KDM4C: variants seen among roughly 807,000 people sequenced by gnomAD.
The protein encoded by KDM4C is lysine-specific demethylase 4C.
Under a neutral mutation model 129.3 loss-of-function variants are expected in KDM4C, and 81 were observed. The ratio of observed to expected loss-of-function variants is 0.63; its 90% CI spans 0.52 to 0.75. The LOEUF is 0.75. KDM4C is among the 30% of genes least tolerant of loss of function. The pLI, the probability that KDM4C is intolerant of heterozygous loss-of-function variation, is 0.00. For synonymous variants in KDM4C, 573 were observed against 456.1 expected, an observed-to-expected ratio of 1.26 and a Z score of -3.26; for missense variants, 1,457 against 1,304.0, an observed-to-expected ratio of 1.12 and a Z score of -1.81.
In KDM4C at chr9:7,099,004, G is replaced by A. The variant is rs545302673; in HGVS notation, c.2425-4681G>A. On this transcript the variant is annotated intron_variant, in intron 17 of 21. Coordinates refer to ENST00000381309, the MANE Select transcript of KDM4C (RefSeq NM_015061.6). ...CTTGCCTGCAGCAATAGTGATGTCC[G>A]TTGAGCCAAACATTGTTCCCTGTTT... Among the ~76,000 whole-genome samples the A allele has an allele frequency of 1.6e-4, 24 of 152,342 alleles. 1 individual carries two copies. In the East Asian group the frequency reaches 4.0e-3, roughly 26 times the overall value.
intron 1 of KDM4C, among the ~76,000 whole-genome samples, chr9:6,772,648 A>C (rs1016820112): frequency 6.6e-6 from 1 of 150,438 alleles, no homozygotes; most frequent in African/African-American, 2.4e-5. Flanking sequence ...GGTGTGAGCC[A>C]CTGCGCCTGG....
At chr9:7,101,032 C>T (rs1053435590) in intron 17 of KDM4C, among the ~76,000 whole-genome samples, 2 of 152,120 alleles carry the variant, frequency 1.3e-5, no homozygotes, top group Non-Finnish European at 2.9e-5. Context: ...TTGGCTTCAT[C>T]CTTTTTCCTA....
chr9:6,841,755 G>A (rs192188837), intron 4 of KDM4C, among the ~76,000 whole-genome samples: 3 of 152,322 alleles, frequency 2.0e-5, no homozygotes, highest in African/African-American at 4.8e-5. Context: ...GGACAAAGCA[G>A]AATGCATGAT....
chr9:6,803,332 G>C lies in KDM4C; in HGVS notation c.145-2267G>C, dbSNP rs183763335. Among the ~76,000 whole-genome samples the C allele has an allele frequency of 8.1e-3, 1,232 of 152,196 alleles. 10 individuals carry two copies. Among genetic ancestry groups the C allele is most frequent in the Non-Finnish European group, 0.012 (828 of 68,016 alleles). On this transcript the variant is annotated intron_variant, in intron 2 of 21. Coordinates refer to ENST00000381309, the MANE Select transcript of KDM4C (RefSeq NM_015061.6). ...TCATGCTTGTAATCCCAACACTTTG[G>C]GAGGCAGAGGTGGTCGGATCACGCT...
chr9:6,963,191 T>C (rs1434253011), intron 8 of KDM4C, among the ~76,000 whole-genome samples: 4 of 152,226 alleles, frequency 2.6e-5, no homozygotes, highest in Non-Finnish European at 5.9e-5. Flanking sequence ...TAGTAAACTG[T>C]AAAGTGATTA....
At chr9:6,977,661 T>A (rs1350962385) in intron 8 of KDM4C, among the ~76,000 whole-genome samples, 1 of 152,138 alleles carries the variant, frequency 6.6e-6, no homozygotes, top group Non-Finnish European at 1.5e-5. Context: ...CATTAATGCC[T>A]GTCATCTGCT....
intron 3 of KDM4C, among the ~76,000 whole-genome samples, chr9:6,806,903 T>TCTCCCTCTCCCTCTCCGTCTCCCC (rs1564055869): frequency 3.3e-5 from 5 of 150,242 alleles, no homozygotes; most frequent in Admixed American, 1.3e-4. Context: ...TCCCTCTCCC[T>TCTCCCTCTCCCTCTCCGTCTCCCC]CTCCCTCTCC....
chr9:6,874,523 G>A (rs1843274742), intron 5 of KDM4C, among the ~76,000 whole-genome samples: 1 of 152,112 alleles, frequency 6.6e-6, no homozygotes, highest in Non-Finnish European at 1.5e-5. Flanking sequence ...CAAACATGTT[G>A]CTGTTTAACT....
At chr9:6,811,309 A>G (rs1218610645) in intron 3 of KDM4C, among the ~76,000 whole-genome samples, 1 of 152,110 alleles carries the variant, frequency 6.6e-6, no homozygotes, top group Non-Finnish European at 1.5e-5. Context: ...GCGTGCCACC[A>G]TGCCTGGCTA....
chr9:7,151,164 A>G (rs1365563682), intron 19 of KDM4C, among the ~76,000 whole-genome samples: 1 of 152,170 alleles, frequency 6.6e-6, no homozygotes, highest in African/African-American at 2.4e-5. Context: ...CAACAACCAC[A>G]AAAAACTAGA....
At chr9:6,920,552 G>GACTCCATCTCAAA (rs144597572) in intron 8 of KDM4C, among the ~76,000 whole-genome samples, 6,798 of 87,576 alleles carry the variant, frequency 0.078, 265 homozygotes, top group East Asian at 0.14. Context: ...AACAGAACAA[G>GACTCCATCTCAAA]AAAAAAAAAA....
chr9:6,813,716 C>A (rs1385669064), intron 3 of KDM4C, among the ~76,000 whole-genome samples: 1 of 152,078 alleles, frequency 6.6e-6, no homozygotes, highest in Non-Finnish European at 1.5e-5. Flanking sequence ...GAAGTAAGTG[C>A]TTTTCTGTAA....
chr9:6,834,451 TC>T, intron 4 of KDM4C: 1 of 493,272 alleles, frequency 2.0e-6, no homozygotes, highest in Non-Finnish European at 3.9e-6. Context: ...CGCTACCAGC[TC>T]ACCATAGATG....
intron 4 of KDM4C, among the ~76,000 whole-genome samples, chr9:6,833,742 A>G (rs973509642): frequency 1.3e-5 from 2 of 152,242 alleles, no homozygotes; most frequent in African/African-American, 4.8e-5. Flanking sequence ...TACTAAAGCA[A>G]AGCAAGACAG....
Position 6,853,121 on chromosome 9 carries a change from T to C in KDM4C, c.629+3421T>C, listed in dbSNP as rs142193922. On this transcript the variant is annotated intron_variant, in intron 5 of 21. Transcript: ENST00000381309. ...CGATGCCCTGTAAAGAATTGTTGTA[T>C]TGAATTAGAAGAGTGTTAAATTATT... is the stretch of plus-strand genomic sequence containing the variant. 8.4e-3 allele frequency among the ~76,000 whole-genome samples: 1,283 copies of C among 152,158 alleles called. 17 individuals carry two copies. The highest frequency in any genetic ancestry group is 0.029 in the African/African-American group (1,219 of 41,502).
chr9:6,869,196 C>T (rs1842495186), intron 5 of KDM4C, among the ~76,000 whole-genome samples: 1 of 152,202 alleles, frequency 6.6e-6, no homozygotes, highest in Non-Finnish European at 1.5e-5. Flanking sequence ...GTTATGACTG[C>T]CTGCACATAT....
intron 5 of KDM4C, among the ~76,000 whole-genome samples, chr9:6,873,584 A>C (rs116184410): frequency 0.019 from 2,862 of 152,036 alleles, 83 homozygotes; most frequent in African/African-American, 0.065. Flanking sequence ...CAGCTTCTTC[A>C]CCTCTCTCAG....
At chr9:6,949,847 C>T (rs144313312) in intron 8 of KDM4C, among the ~76,000 whole-genome samples, 40 of 138,360 alleles carry the variant, frequency 2.9e-4, no homozygotes, top group African/African-American at 8.3e-4. Context: ...AGAGGGAGAC[C>T]GTGGGGAGAG....
At chr9:6,998,406 C>T (rs1400883380) in intron 12 of KDM4C, among the ~76,000 whole-genome samples, 1 of 152,200 alleles carries the variant, frequency 6.6e-6, no homozygotes, top group South Asian at 2.1e-4. Flanking sequence ...TACATTTATT[C>T]ACTTTTAAGT....
Sources: allele counts gnomAD v4.1 joint callset (sites outside exome capture counted in the v4.1 genomes callset), GRCh38; gene constraint gnomAD v4.1.1; transcripts MANE v1.5; gene names NCBI Gene and HGNC (gene_info 2026-07-23, HGNC 2026-07-21).